Variants in APBB1 observed in about 807,000 individuals in gnomAD.
APBB1 encodes the protein adaptor protein FE65a2.
APBB1 carries 22 observed loss-of-function variants against 78.4 expected under a neutral mutation model. The observed-to-expected ratio is 0.28, with a 90% CI of 0.20 to 0.40. APBB1 has a LOEUF of 0.40. APBB1 is among the 10% of genes least tolerant of loss of function. The pLI is 1.00. For missense variants in APBB1, 749 were observed against 932.4 expected, an observed-to-expected ratio of 0.80 and a Z score of 2.56; for synonymous variants, 369 against 372.7, an observed-to-expected ratio of 0.99 and a Z score of 0.12.
intron 12 of APBB1, among the ~76,000 whole-genome samples, chr11:6,399,602 T>C (rs1848394877): frequency 6.6e-6 from 1 of 152,162 alleles, no homozygotes; most frequent in Non-Finnish European, 1.5e-5. Flanking sequence ...AGCAAGAGCC[T>C]CCTAACTGAG....
chr11:6,410,849 C>T lies in APBB1; in HGVS notation c.499G>A (p.Glu167Lys), dbSNP rs1188906824. 6.2e-7 allele frequency: 1 copy of T among 1,608,826 alleles called. No homozygotes were observed. Among genetic ancestry groups the T allele is most frequent in the Non-Finnish European group, 8.5e-7 (1 of 1,175,598 alleles). ...AEEEEEDDDD[E>K]EEEEDLSSPP... is the part of the protein sequence containing the mutation. ...GAAGATAAGTCCTCCTCCTCCTCTT[C>T]ATCATCATCATCCTCCTCCTCCTCC... The change falls in exon 2 of 15, where the codon GAA becomes AAA. Residue 167 changes from glutamate (E) to lysine (K), a missense_variant. Glu to Lys is a moderately conservative substitution (Grantham distance 56). This residue lies in a region of APBB1 where 635 missense variants were observed against 765.0 expected (regional missense o/e 0.83). Coordinates refer to ENST00000609360, the MANE Select transcript of APBB1 (RefSeq NM_001164.5).
chr11:6,412,962 G>A (rs908784755), intron 1 of APBB1, among the ~76,000 whole-genome samples: 1 of 151,778 alleles, frequency 6.6e-6, no homozygotes, highest in African/African-American at 2.4e-5. Flanking sequence ...CAGTTTCTCC[G>A]CAACCATTTG....
Position 6,395,892 on chromosome 11 carries a change from G to A in APBB1, c.1859C>T (p.Thr620Met). 4.3e-6 allele frequency: 7 copies of A among 1,614,038 alleles called. No homozygotes were observed. Among genetic ancestry groups the A allele is most frequent in the Non-Finnish European group, 5.9e-6 (7 of 1,180,018 alleles). Residue 620 changes from threonine (T) to methionine (M), a missense_variant, in exon 14 of 15, where the codon ACG becomes ATG. Coordinates refer to ENST00000609360, the MANE Select transcript of APBB1 (RefSeq NM_001164.5). This position sits in a 1 kb window ranked among gnomAD's most constrained non-coding sequence, Gnocchi z 5.2. Reference protein sequence around the residue: ...SFLAVGRDVHTFAFIMAAGPA... With the variant: ...SFLAVGRDVHMFAFIMAAGPA... ...GCCGGCAGCCATGATGAATGCAAAC[G>A]TGTGGACATCTCTGCCCACGGCCAG...
intron 1 of APBB1, among the ~76,000 whole-genome samples, chr11:6,415,724 C>A (rs1241060398): frequency 1.3e-5 from 2 of 152,168 alleles, no homozygotes; most frequent in African/African-American, 4.8e-5. Flanking sequence ...AAAACCTAAC[C>A]AAACTTCAGC....
intron 2 of APBB1, among the ~76,000 whole-genome samples, chr11:6,404,418 C>T (rs1449842053): frequency 1.3e-5 from 2 of 152,186 alleles, no homozygotes; most frequent in African/African-American, 4.8e-5. Context: ...CCCTGCCACA[C>T]AGGTGTGCAG....
Position 6,401,902 on chromosome 11 carries a change from C to A in APBB1, c.1388+75G>T. 2.6e-6 allele frequency: 4 copies of A among 1,546,624 alleles called. No individual in the cohort carries two copies. Among genetic ancestry groups the A allele is most frequent in the Non-Finnish European group, 3.5e-6 (4 of 1,146,790 alleles). ...GTGGAGCATAGCGGGTGGGAAGGGG[C>A]AGGGCAGAAGAGGGGAGCTTGGGTG... On this transcript the variant is annotated intron_variant, in intron 9 of 14. Coordinates refer to ENST00000609360, the MANE Select transcript of APBB1 (RefSeq NM_001164.5). This position sits in a 1 kb window ranked among gnomAD's most constrained non-coding sequence, Gnocchi z 4.5.
Position 6,401,750 on chromosome 11 carries a change from C to A in APBB1, c.1389-62G>T, listed in dbSNP as rs1467199178. On this transcript the variant is annotated intron_variant, in intron 9 of 14. Transcript: ENST00000609360. The surrounding 1 kb of genome is among the most constrained non-coding windows in gnomAD (Gnocchi z 4.5). ...CATCCAGTGCTGAGCCTGGTCCCCACCCCACCCACGTCCTCCCTGCCCATC... is the reference window on the plus strand; with the variant it reads ...CATCCAGTGCTGAGCCTGGTCCCCAACCCACCCACGTCCTCCCTGCCCATC... The A allele has an allele frequency of 6.3e-7, 1 of 1,580,352 alleles. No individual in the cohort carries two copies. Among genetic ancestry groups the A allele is most frequent in the South Asian group, 1.1e-5 (1 of 89,966 alleles).
intron 12 of APBB1, among the ~76,000 whole-genome samples, chr11:6,397,193 G>A (rs552931703): frequency 2.6e-4 from 39 of 152,334 alleles, no homozygotes; most frequent in Middle Eastern, 6.8e-3. Context: ...ATGCCTCTGT[G>A]GTCCACTCCC....
chr11:6,398,671 AG>A (rs1272161851), intron 12 of APBB1, among the ~76,000 whole-genome samples: 1 of 152,196 alleles, frequency 6.6e-6, no homozygotes, highest in African/African-American at 2.4e-5. Flanking sequence ...CAAAGGCGTA[AG>A]GGTCAGCATG....
chr11:6,400,844 G>C (rs1848463796), intron 12 of APBB1, 145 bp downstream of exon 12: 3 of 792,000 alleles, frequency 3.8e-6, no homozygotes, highest in Non-Finnish European at 6.6e-6. Context: ...TAGGACAGAA[G>C]TATGGGGAGG....
chr11:6,413,731 A>G (rs1041111213), intron 1 of APBB1, among the ~76,000 whole-genome samples: 1 of 151,842 alleles, frequency 6.6e-6, no homozygotes, highest in Admixed American at 6.6e-5. Context: ...TCAGCCTCCC[A>G]AAGTGCTGGG....
intron 2 of APBB1, among the ~76,000 whole-genome samples, chr11:6,408,374 G>A (rs1470193593): frequency 6.6e-6 from 1 of 152,230 alleles, no homozygotes; most frequent in Non-Finnish European, 1.5e-5. Flanking sequence ...GATAGATCAG[G>A]CCAGACATGG....
intron 2 of APBB1, chr11:6,404,937 A>C: frequency 2.1e-6 from 3 of 1,445,226 alleles, no homozygotes; most frequent in Non-Finnish European, 2.7e-6. Flanking sequence ...AGCGTCTGCC[A>C]GGCAAGATCC....
At position 6,401,596 on chromosome 11, in the gene APBB1, C is replaced by T; in HGVS notation, c.1481G>A (p.Ser494Asn). 1.2e-6 allele frequency: 2 copies of T among 1,614,156 alleles called. No individual in the cohort carries two copies. The highest frequency in any genetic ancestry group is 1.3e-5 in the African/African-American group (1 of 75,034). ...TGCCTTAGAGCAGATCTCATGCAGGCTGGTGGCGATGTTCTTGGCAGGTGC... is the reference window on the plus strand; with the variant it reads ...TGCCTTAGAGCAGATCTCATGCAGGTTGGTGGCGATGTTCTTGGCAGGTGC... Reference protein sequence around the residue: ...CEAPAKNIATSLHEICSKIMA... With the variant: ...CEAPAKNIATNLHEICSKIMA... Residue 494 changes from serine to asparagine, a missense_variant, in exon 10 of 15, where the codon AGC (serine) becomes AAC (asparagine). Physicochemically the swap from Ser to Asn is conservative, Grantham distance 46. This residue lies in a region of APBB1 where 635 missense variants were observed against 765.0 expected (regional missense o/e 0.83). Transcript: ENST00000609360. The surrounding 1 kb of genome is among the most constrained non-coding windows in gnomAD (Gnocchi z 4.5).
At chr11:6,404,559 T>C in intron 2 of APBB1, 1 of 1,532,884 alleles carries the variant, frequency 6.5e-7, no homozygotes, top group Admixed American at 2.0e-5. Flanking sequence ...TTCCTGACCC[T>C]TGCTGCACAC....
intron 2 of APBB1, among the ~76,000 whole-genome samples, chr11:6,406,671 C>T (rs58034862): frequency 3.8e-4 from 58 of 152,284 alleles, no homozygotes; most frequent in African/African-American, 1.4e-3. Flanking sequence ...TTGCTTGGGA[C>T]ATGCCCCCTT....
intron 2 of APBB1, chr11:6,405,544 C>T (rs931764323): frequency 7.1e-6 from 7 of 985,884 alleles, no homozygotes; most frequent in African/African-American, 1.7e-5. Flanking sequence ...GTCCCAAGAC[C>T]CTGCTGCTGG....
At chr11:6,415,255 T>C (rs1672572522) in intron 1 of APBB1, among the ~76,000 whole-genome samples, 1 of 152,148 alleles carries the variant, frequency 6.6e-6, no homozygotes, top group African/African-American at 2.4e-5. Flanking sequence ...GTGAAAGAAG[T>C]AGTCACTAAG....
chr11:6,407,949 T>C (rs1848857066), intron 2 of APBB1, among the ~76,000 whole-genome samples: 1 of 150,822 alleles, frequency 6.6e-6, no homozygotes, highest in South Asian at 2.1e-4. Context: ...CCGGCTAATT[T>C]TTTGTATTTT....
Sources: gnomAD v4.1 joint callset for allele counts (sites outside exome capture counted in the v4.1 genomes callset) on GRCh38, gnomAD v4.1.1 for gene constraint, gnomAD v4.1.1 regional missense constraint, Gnocchi (gnomAD v3.1) non-coding constraint, MANE v1.5 for transcripts, NCBI Gene and HGNC (gene_info 2026-07-23, HGNC 2026-07-21) for gene names.